The following CD47 variants were observed in gnomAD, a reference collection of about 807,000 sequenced individuals.
CD47 encodes the protein CD47 molecule.
A neutral mutation model predicts 44.6 loss-of-function variants in CD47; 11 were observed. The observed-to-expected ratio is 0.25, with a 90% CI of 0.16 to 0.41. The LOEUF (loss-of-function observed/expected upper bound fraction) is 0.41, where lower values mean the gene tolerates loss of function less well. Ranked by LOEUF, CD47 falls within the 10% of genes least tolerant of loss-of-function variation. The probability of loss-of-function intolerance (pLI) is 1.00; values close to 1 mark genes in which losing one functional copy is unlikely to be tolerated. For missense variants in CD47, 306 were observed against 386.7 expected, an observed-to-expected ratio of 0.79 and a Z score of 1.75; for synonymous variants, 140 against 136.3, an observed-to-expected ratio of 1.03 and a Z score of -0.19.
intron 10 of CD47, 85 bp downstream of exon 10, chr3:108,049,534 A>T (rs2078785744): frequency 4.9e-6 from 4 of 823,350 alleles, no homozygotes; most frequent in South Asian, 4.2e-5. Flanking sequence ...TTACTAAAAA[A>T]GAGCCACATT....
rs574696874 is a variant in CD47, at chr3:108,043,247, C to G, written c.*4041G>C. On this transcript the variant is annotated 3_prime_UTR_variant, in exon 11 of 11. Coordinates refer to ENST00000361309, the MANE Select transcript of CD47 (RefSeq NM_001777.4). The stretch of plus-strand genomic sequence containing the variant: ...AAATACATTAATAAATTAAATTTTT[C>G]AGAAATGTGCTTGTGGTCTGCTGTA... 1 of 152,532 alleles carries G rather than the reference C, an allele frequency of 6.6e-6. No individual in the cohort carries two copies. Among genetic ancestry groups the G allele is most frequent in the East Asian group, 1.9e-4 (1 of 5,180 alleles). 9.4% of individuals were successfully genotyped at this position (152,532 alleles called of 1,614,324 possible).
At chr3:108,059,394 C>A in intron 5 of CD47, 58 bp downstream of exon 5, 1 of 804,940 alleles carries the variant, frequency 1.2e-6, no homozygotes, top group Non-Finnish European at 1.9e-6. Context: ...TTCACCAAAA[C>A]TGCTGTTTTG....
intron 7 of CD47, among the ~76,000 whole-genome samples, chr3:108,055,073 G>GA (rs959173400): frequency 6.6e-6 from 1 of 150,562 alleles, no homozygotes; most frequent in Non-Finnish European, 1.5e-5. Flanking sequence ...TCCAATAAAA[G>GA]AAAAAAAATA....
chr3:108,072,514 T>C (rs913393042), intron 2 of CD47, among the ~76,000 whole-genome samples: 1 of 152,208 alleles, frequency 6.6e-6, no homozygotes, highest in Non-Finnish European at 1.5e-5. Context: ...CTCCATATGT[T>C]TGCTGTTGAG....
chr3:108,058,709 G>A (rs1486735457), intron 5 of CD47, among the ~76,000 whole-genome samples: 1 of 152,162 alleles, frequency 6.6e-6, no homozygotes, highest in African/African-American at 2.4e-5. Flanking sequence ...CCACACTTGT[G>A]CATTTTACAA....
At chr3:108,085,157 T>C (rs1035128960) in intron 1 of CD47, among the ~76,000 whole-genome samples, 2 of 152,118 alleles carry the variant, frequency 1.3e-5, no homozygotes, top group Non-Finnish European at 2.9e-5. Flanking sequence ...TGCAATTCCA[T>C]GACTATGCAA....
At chr3:108,078,649 A>G (rs1354600151) in intron 2 of CD47, among the ~76,000 whole-genome samples, 2 of 152,134 alleles carry the variant, frequency 1.3e-5, no homozygotes, top group South Asian at 2.1e-4. Context: ...GCCCAAATTA[A>G]TATCAATAGT....
At position 108,043,468 on chromosome 3, in the gene CD47, C is replaced by G. The variant is rs1179463723; in HGVS notation, c.*3820G>C. 2 of 151,480 alleles carry G rather than the reference C, an allele frequency of 1.3e-5. No individual in the cohort carries two copies. The highest frequency in any genetic ancestry group is 4.9e-5 in the African/African-American group (2 of 41,096). The allele number at this position is 151,480 out of a possible 1,614,324, so 9.4% of individuals were successfully genotyped here. A position where few individuals can be genotyped will look rare whatever the true frequency, so the allele number is the denominator to read the frequency against. On this transcript the variant is annotated 3_prime_UTR_variant, in exon 11 of 11. Transcript: ENST00000361309. ...AAAAAAAAAACCTTTAACGGTAACA[C>G]AGCTGTAAAACAACTTTGGTCTTCA...
chr3:108,074,894 G>T (rs1419912711), intron 2 of CD47, among the ~76,000 whole-genome samples: 1 of 152,062 alleles, frequency 6.6e-6, no homozygotes, highest in Non-Finnish European at 1.5e-5. Flanking sequence ...CAACTGAGAT[G>T]CTGGGGGAAA....
chr3:108,078,155 A>G (rs934799165), intron 2 of CD47, among the ~76,000 whole-genome samples: 2 of 152,094 alleles, frequency 1.3e-5, no homozygotes, highest in African/African-American at 2.4e-5. Flanking sequence ...TAAATCAATA[A>G]TTATTTCAAA....
intron 4 of CD47, among the ~76,000 whole-genome samples, chr3:108,059,998 T>C (rs1195143370): frequency 6.6e-6 from 1 of 152,200 alleles, no homozygotes; most frequent in African/African-American, 2.4e-5. Context: ...CAAACGATGG[T>C]GTGCTATAGT....
intron 3 of CD47, among the ~76,000 whole-genome samples, chr3:108,065,258 G>T (rs1428956920): frequency 6.6e-6 from 1 of 152,160 alleles, no homozygotes; most frequent in African/African-American, 2.4e-5. Context: ...ATGTCCAACA[G>T]ACCAAACTTC....
At chr3:108,077,808 G>T (rs564492143) in intron 2 of CD47, among the ~76,000 whole-genome samples, 1 of 152,086 alleles carries the variant, frequency 6.6e-6, no homozygotes, top group African/African-American at 2.4e-5. Context: ...TTCTCAAAAG[G>T]TCACATCTTG....
At position 108,049,601 on chromosome 3, in the gene CD47, A is replaced by G. The variant is rs772778404; in HGVS notation, c.967+18T>C. The G allele has an allele frequency of 2.7e-6, 4 of 1,476,522 alleles. No individual in the cohort carries two copies. Among genetic ancestry groups the G allele is most frequent in the Admixed American group, 1.7e-5 (1 of 59,760 alleles). The allele number at this position is 1,476,522 out of a possible 1,614,324, so 91.5% of individuals were successfully genotyped here. A position where few individuals can be genotyped will look rare whatever the true frequency, so the allele number is the denominator to read the frequency against. On this transcript the variant is annotated intron_variant, in intron 10 of 10. Transcript: ENST00000361309. Reference sequence around the variant, plus strand: ...TGTTTTAACTGATCTATAATTATTAAGTGCATTTTATACTTACCATCATTC... The same window carrying G: ...TGTTTTAACTGATCTATAATTATTAGGTGCATTTTATACTTACCATCATTC...
At chr3:108,069,511 GTTTTTTTTT>G (rs71299349) in intron 3 of CD47, among the ~76,000 whole-genome samples, 2 of 140,478 alleles carry the variant, frequency 1.4e-5, no homozygotes, top group Non-Finnish European at 3.1e-5. Flanking sequence ...CTACAGATGA[GTTTTTTTTT>G]TTTTTTTTTA....
rs1385755931 is a variant in CD47, at chr3:108,090,982, A to C, written c.-74T>G. 1 of 1,103,900 alleles carries C rather than the reference A, an allele frequency of 9.1e-7. No individual in the cohort carries two copies. The highest frequency in any genetic ancestry group is 1.2e-6 in the Non-Finnish European group (1 of 835,044). 68.4% of individuals were successfully genotyped at this position (1,103,900 alleles called of 1,614,324 possible). On this transcript the variant is annotated 5_prime_UTR_variant, in exon 1 of 11. Coordinates refer to ENST00000361309, the MANE Select transcript of CD47 (RefSeq NM_001777.4). ...AGCAGCCGCCGCCGCCGTTACAGGC[A>C]GGACCGACCGCCGCCGCGCGTCACA...
At chr3:108,063,319 C>T (rs114010379) in intron 3 of CD47, among the ~76,000 whole-genome samples, 3 of 152,172 alleles carry the variant, frequency 2.0e-5, no homozygotes, top group South Asian at 2.1e-4. Flanking sequence ...TTCTGGATAA[C>T]GGACACTCCA....
At chr3:108,071,538 G>C (rs927657232) in intron 2 of CD47, among the ~76,000 whole-genome samples, 1 of 152,148 alleles carries the variant, frequency 6.6e-6, no homozygotes, top group Admixed American at 6.5e-5. Flanking sequence ...CCGTGACCAC[G>C]TGTCAACACC....
In CD47 at chr3:108,045,779, A is replaced by G. The variant is rs2078712288; in HGVS notation, c.*1509T>C. 1 of 152,334 alleles carries G rather than the reference A, an allele frequency of 6.6e-6. No homozygotes were observed. The highest frequency in any genetic ancestry group is 6.5e-5 in the Admixed American group (1 of 15,282). The allele number at this position is 152,334 out of a possible 1,614,324, so 9.4% of individuals were successfully genotyped here. A position where few individuals can be genotyped will look rare whatever the true frequency, so the allele number is the denominator to read the frequency against. The stretch of plus-strand genomic sequence containing the variant: ...ATGAATATCTTATTACACAAACAGG[A>G]AGAATTACGTATTTTTACAGGGTAT... On this transcript the variant is annotated 3_prime_UTR_variant, in exon 11 of 11. Transcript: ENST00000361309.
Sources: gnomAD v4.1 joint callset for allele counts (sites outside exome capture counted in the v4.1 genomes callset) on GRCh38, gnomAD v4.1.1 for gene constraint, MANE v1.5 for transcripts, NCBI Gene and HGNC (gene_info 2026-07-23, HGNC 2026-07-21) for gene names.